Variants in ARHGAP19 observed in about 807,000 individuals in gnomAD.
The protein encoded by ARHGAP19 is rho GTPase-activating protein 19.
A neutral mutation model predicts 60.9 loss-of-function variants in ARHGAP19; 48 were observed. The observed-to-expected ratio is 0.79, with a 90% CI of 0.62 to 1.00. The LOEUF is 1.00. Among genes scored for constraint, ARHGAP19 ranks in the 50% least tolerant of loss-of-function variants. The pLI, the probability that ARHGAP19 is intolerant of heterozygous loss-of-function variation, is 0.00. For synonymous variants in ARHGAP19, 209 were observed against 215.5 expected (o/e 0.97, Z 0.27); for missense variants, 562 against 597.2 (o/e 0.94, Z 0.61).
intron 1 of ARHGAP19, among the ~76,000 whole-genome samples, chr10:97,279,207 A>G (rs1348654419): frequency 6.6e-6 from 1 of 152,216 alleles, no homozygotes; most frequent in Non-Finnish European, 1.5e-5. Flanking sequence ...AAAACTAAAC[A>G]GGCCCTACAT....
chr10:97,280,742 C>T (rs1019066907), intron 1 of ARHGAP19, among the ~76,000 whole-genome samples: 1 of 152,060 alleles, frequency 6.6e-6, no homozygotes, highest in Non-Finnish European at 1.5e-5. Flanking sequence ...AGGTGTGTGC[C>T]ACCACACCTG....
chr10:97,289,630 C>T (rs1843202877), intron 1 of ARHGAP19, among the ~76,000 whole-genome samples: 1 of 151,926 alleles, frequency 6.6e-6, no homozygotes, highest in African/African-American at 2.4e-5. Flanking sequence ...ATGCCAGGAA[C>T]TCAAGACCAC....
At chr10:97,233,344 CCT>C (rs36194071) in intron 9 of ARHGAP19, among the ~76,000 whole-genome samples, 36,835 of 127,738 alleles carry the variant, frequency 0.29, 4,867 homozygotes, top group South Asian at 0.36. Flanking sequence ...AGAGCAAGAC[CCT>C]GTCTCAAAAA....
intron 1 of ARHGAP19, among the ~76,000 whole-genome samples, chr10:97,291,178 C>A (rs1358696040): frequency 6.6e-6 from 1 of 152,112 alleles, no homozygotes; most frequent in Non-Finnish European, 1.5e-5. Context: ...GGCATTAGAG[C>A]CAGCAACGGC....
intron 6 of ARHGAP19, among the ~76,000 whole-genome samples, chr10:97,251,160 G>A (rs1842640982): frequency 8.9e-6 from 1 of 112,916 alleles, no homozygotes; most frequent in Non-Finnish European, 1.8e-5. Flanking sequence ...AAAGCCAAGG[G>A]GAAGGGAAGG....
chr10:97,234,153 C>T (rs1223324225), intron 9 of ARHGAP19, among the ~76,000 whole-genome samples: 2 of 151,156 alleles, frequency 1.3e-5, no homozygotes, highest in Non-Finnish European at 3.0e-5. Flanking sequence ...TGTAATCCTA[C>T]CTACTTGGGA....
chr10:97,270,745 T>C, intron 1 of ARHGAP19: 1 of 1,405,748 alleles, frequency 7.1e-7, no homozygotes, highest in Non-Finnish European at 9.6e-7. Context: ...TGTTAGAGGA[T>C]ACAAGGGCAC....
chr10:97,282,116 T>C (rs909785950), intron 1 of ARHGAP19, among the ~76,000 whole-genome samples: 2 of 152,202 alleles, frequency 1.3e-5, no homozygotes, highest in Non-Finnish European at 2.9e-5. Context: ...CTATGTGACC[T>C]GGTGGGCACT....
chr10:97,222,274 AAAT>A lies in ARHGAP19; in HGVS notation c.*3845_*3847del, dbSNP rs1176338910. On this transcript the variant is annotated 3_prime_UTR_variant, in exon 12 of 12. Transcript: ENST00000358531. ...TCTTTACAATTACATATACATAGTCAAATAAGAATGAAAACTTTAACCAAAACA... is the reference window on the plus strand; with the variant it reads ...TCTTTACAATTACATATACATAGTCAAAGAATGAAAACTTTAACCAAAACA... 2 of 152,276 alleles carry A rather than the reference AAAT, an allele frequency of 1.3e-5. No homozygotes were observed. The highest frequency in any genetic ancestry group is 2.9e-5 in the Non-Finnish European group (2 of 68,052). 9.4% of individuals were successfully genotyped at this position (152,276 alleles called of 1,614,324 possible).
intron 9 of ARHGAP19, among the ~76,000 whole-genome samples, chr10:97,233,143 T>C (rs1482454603): frequency 1.3e-5 from 2 of 150,298 alleles, no homozygotes; most frequent in Non-Finnish European, 3.0e-5. Flanking sequence ...AGCGAGACTG[T>C]CTCAAAAAAA....
At chr10:97,235,075 C>G in intron 9 of ARHGAP19, 142 bp downstream of exon 9, 1 of 716,722 alleles carries the variant, frequency 1.4e-6, no homozygotes, top group Non-Finnish European at 2.3e-6. Context: ...AAAAGCTTTT[C>G]AACATTTTGT....
chr10:97,288,809 C>CTTTTTTTTTT (rs750951743), intron 1 of ARHGAP19, among the ~76,000 whole-genome samples: 3 of 120,004 alleles, frequency 2.5e-5, no homozygotes, highest in African/African-American at 3.5e-5. Context: ...AACTTCTCTC[C>CTTTTTTTTTT]TTTTTTTTTT....
chr10:97,243,321 GGAT>G (rs1209429840), intron 8 of ARHGAP19, among the ~76,000 whole-genome samples: 1 of 152,098 alleles, frequency 6.6e-6, no homozygotes, highest in Non-Finnish European at 1.5e-5. Context: ...AATTCAAGAG[GGAT>G]TGAGACAAAA....
intron 5 of ARHGAP19, among the ~76,000 whole-genome samples, chr10:97,258,452 T>C (rs1438294408): frequency 6.6e-6 from 1 of 152,070 alleles, no homozygotes; most frequent in Non-Finnish European, 1.5e-5. Flanking sequence ...GAGAATTGCT[T>C]GAACCTGGGA....
intron 5 of ARHGAP19, among the ~76,000 whole-genome samples, chr10:97,259,026 C>G (rs1223746467): frequency 6.6e-6 from 1 of 152,206 alleles, no homozygotes; most frequent in Non-Finnish European, 1.5e-5. Context: ...TAAGATCACA[C>G]AGCTCTATTC....
intron 1 of ARHGAP19, among the ~76,000 whole-genome samples, chr10:97,269,783 A>G (rs965944799): frequency 1.3e-5 from 2 of 152,212 alleles, no homozygotes; most frequent in Non-Finnish European, 2.9e-5. Flanking sequence ...AATTAGCATT[A>G]ACATAAAAAT....
At chr10:97,226,165 T>C (rs766559913) in intron 11 of ARHGAP19, 33 bp from the exon 12 acceptor site, 10 of 1,611,422 alleles carry the variant, frequency 6.2e-6, no homozygotes, top group Non-Finnish European at 8.5e-6. Flanking sequence ...GCGTTAGACA[T>C]GTTCTTAAAT....
chr10:97,223,105 G>A lies in ARHGAP19; in HGVS notation c.*3017C>T, dbSNP rs1049240583. The A allele has an allele frequency of 9.9e-5, 15 of 152,120 alleles. No individual in the cohort carries two copies. Among genetic ancestry groups the A allele is most frequent in the South Asian group, 2.1e-4 (1 of 4,822 alleles). 9.4% of individuals were successfully genotyped at this position (152,120 alleles called of 1,614,324 possible). On this transcript the variant is annotated 3_prime_UTR_variant, in exon 12 of 12. Transcript: ENST00000358531. ...ACAGGTCAACAGAACAGATACCTCC[G>A]GAGCACCCAGGTGTCACTGCAGTCA...
At chr10:97,268,077 C>G (rs1252437660) in intron 1 of ARHGAP19, among the ~76,000 whole-genome samples, 2 of 152,222 alleles carry the variant, frequency 1.3e-5, no homozygotes, top group Non-Finnish European at 2.9e-5. Flanking sequence ...CTTTTATGCT[C>G]TGCTTCCTCT....
Sources: gnomAD v4.1 joint callset for allele counts (sites outside exome capture counted in the v4.1 genomes callset) on GRCh38, gnomAD v4.1.1 for gene constraint, MANE v1.5 for transcripts, NCBI Gene and HGNC (gene_info 2026-07-23, HGNC 2026-07-21) for gene names.